USP32: variants seen among roughly 807,000 people sequenced by gnomAD.
USP32 encodes ubiquitin carboxyl-terminal hydrolase 32.
USP32 carries 59 observed loss-of-function variants against 204.8 expected under a neutral mutation model. That is an observed-to-expected ratio of 0.29 (90% CI 0.23 to 0.36). The LOEUF (loss-of-function observed/expected upper bound fraction) is 0.36, where lower values mean the gene tolerates loss of function less well. USP32 is among the 10% of genes least tolerant of loss of function. The pLI is 1.00. For missense variants in USP32, 1,160 were observed against 1,946.4 expected (o/e 0.60, Z 7.60); for synonymous variants, 517 against 678.4 (o/e 0.76, Z 3.70).
At chr17:60,320,789 A>C (rs1257790015) in intron 2 of USP32, among the ~76,000 whole-genome samples, 1 of 152,210 alleles carries the variant, frequency 6.6e-6, no homozygotes, top group South Asian at 2.1e-4. Context: ...AATAAGCAAT[A>C]AAACTAGCAT....
chr17:60,185,887 C>A, intron 29 of USP32: 2 of 421,208 alleles, frequency 4.7e-6, no homozygotes, highest in East Asian at 7.0e-5. Flanking sequence ...AAGAGTGAGA[C>A]CCTGTCTCTG....
chr17:60,179,063 A>G lies in USP32; in HGVS notation c.*192T>C, dbSNP rs1243496501. 9.0e-6 allele frequency: 6 copies of G among 665,740 alleles called. No individual in the cohort carries two copies. The highest frequency in any genetic ancestry group is 2.4e-6 in the Non-Finnish European group (1 of 417,384). 41.2% of individuals were successfully genotyped at this position (665,740 alleles called of 1,614,324 possible). A position where few individuals can be genotyped will look rare whatever the true frequency, so the allele number is the denominator to read the frequency against. ...GAAAGTTCTCTATCGGAGAGCTTGT[A>G]TGAGACTTCAAAATAAAATGATTAC... On this transcript the variant is annotated 3_prime_UTR_variant, in exon 34 of 34. Transcript: ENST00000300896.
chr17:60,392,819 C>CCCGGCCCACCTTCTCCTCCTGA (rs2089864685), upstream of USP32, among the ~76,000 whole-genome samples: 1 of 152,112 alleles, frequency 6.6e-6, no homozygotes, highest in African/African-American at 2.4e-5. Context: ...ATCTCGCCTG[C>CCCGGCCCACCTTCTCCTCCTGA]CCGGCCCACC....
intron 9 of USP32, among the ~76,000 whole-genome samples, chr17:60,255,552 C>A (rs536667317): frequency 3.9e-5 from 6 of 152,258 alleles, no homozygotes; most frequent in African/African-American, 1.4e-4. Context: ...TCCGCCTTGG[C>A]CTCCCAAAGT....
chr17:60,228,959 A>G (rs1254361263), intron 12 of USP32, among the ~76,000 whole-genome samples: 1 of 151,474 alleles, frequency 6.6e-6, no homozygotes, highest in East Asian at 1.9e-4. Context: ...GAGCCACCTC[A>G]CCTGGTTAAA....
chr17:60,192,625 A>T (rs1294150523), intron 28 of USP32, among the ~76,000 whole-genome samples: 2 of 152,028 alleles, frequency 1.3e-5, no homozygotes, highest in Non-Finnish European at 2.9e-5. Flanking sequence ...AGTAGAGACG[A>T]GGTTTTACTA....
chr17:60,237,485 G>A (rs1427639582), intron 11 of USP32, among the ~76,000 whole-genome samples: 1 of 151,846 alleles, frequency 6.6e-6, no homozygotes, highest in Non-Finnish European at 1.5e-5. Flanking sequence ...CAATTCAATG[G>A]CATTTAGTAC....
chr17:60,411,158 G>T (rs2090015277), intron 1 of USP32, among the ~76,000 whole-genome samples: 1 of 151,974 alleles, frequency 6.6e-6, no homozygotes. Flanking sequence ...GAGAAACCCT[G>T]TCTCTGCTAA....
intron 2 of USP32, among the ~76,000 whole-genome samples, chr17:60,305,870 G>C (rs1363735501): frequency 6.6e-6 from 1 of 152,074 alleles, no homozygotes; most frequent in Non-Finnish European, 1.5e-5. Flanking sequence ...AAATTTGTTT[G>C]GAATATACTG....
intron 14 of USP32, 52 bp downstream of exon 14, chr17:60,223,355 AATTT>A: frequency 6.6e-7 from 1 of 1,505,958 alleles, no homozygotes; most frequent in Non-Finnish European, 9.1e-7. Context: ...TCTGAAATGA[AATTT>A]ATTAATAGCT....
intron 31 of USP32, among the ~76,000 whole-genome samples, chr17:60,182,862 G>C (rs1034460076): frequency 3.9e-4 from 59 of 152,274 alleles, no homozygotes; most frequent in African/African-American, 1.4e-3. Flanking sequence ...TTGCTATAAG[G>C]GGACAAGACA....
intron 16 of USP32, among the ~76,000 whole-genome samples, chr17:60,215,503 C>T (rs922450563): frequency 6.6e-6 from 1 of 150,540 alleles, no homozygotes; most frequent in Non-Finnish European, 1.5e-5. Flanking sequence ...AAAAAAAACT[C>T]AGTGGAGGAG....
intron 2 of USP32, among the ~76,000 whole-genome samples, chr17:60,308,514 T>C (rs1387426314): frequency 6.6e-6 from 1 of 152,194 alleles, no homozygotes; most frequent in Non-Finnish European, 1.5e-5. Context: ...AGAACCCAGA[T>C]ATAAATCCAA....
chr17:60,198,154 G>C, intron 27 of USP32, 106 bp downstream of exon 27: 1 of 1,429,772 alleles, frequency 7.0e-7, no homozygotes, highest in Non-Finnish European at 9.5e-7. Context: ...TCTTCCAAGA[G>C]TGATTAACTT....
At chr17:60,237,548 A>T (rs8068938) in intron 11 of USP32, among the ~76,000 whole-genome samples, 6,758 of 152,184 alleles carry the variant, frequency 0.044, 538 homozygotes, top group African/African-American at 0.15. Context: ...ATTCTGATAC[A>T]CCTCAATTAA....
Position 60,391,840 on chromosome 17 carries a change from G to T in USP32, c.58+42C>A, listed in dbSNP as rs1179454720. 6 of 1,563,634 alleles carry T rather than the reference G, an allele frequency of 3.8e-6. No homozygotes were observed. In the East Asian group the frequency reaches 1.2e-4, roughly 31 times the overall value. On this transcript the variant is annotated intron_variant, in intron 1 of 33. Coordinates refer to ENST00000300896, the MANE Select transcript of USP32 (RefSeq NM_032582.4). ...TTACCCACCCTCCAGGCTGCCCGTCGCGGGCCTCCCAGGCAGCTCGCCCAG... is the reference window on the plus strand; with the variant it reads ...TTACCCACCCTCCAGGCTGCCCGTCTCGGGCCTCCCAGGCAGCTCGCCCAG...
intron 2 of USP32, among the ~76,000 whole-genome samples, 153 bp downstream of exon 2, chr17:60,345,328 G>A (rs754663903): frequency 1.3e-5 from 2 of 152,094 alleles, no homozygotes; most frequent in African/African-American, 4.8e-5. Flanking sequence ...ACACAGCCAC[G>A]TTGACATCTA....
intron 5 of USP32, 76 bp from the exon 6 acceptor site, chr17:60,271,557 T>A: frequency 7.1e-7 from 1 of 1,409,488 alleles, no homozygotes; most frequent in South Asian, 1.5e-5. Flanking sequence ...TGATAATATA[T>A]CTTCCACAGA....
At position 60,304,193 on chromosome 17, in the gene USP32, A is replaced by T. The variant is rs974732101; in HGVS notation, c.187-2489T>A. The stretch of plus-strand genomic sequence containing the variant: ...GCCAGAAGAAAAACAAAATTACATT[A>T]AAAAAAACCCAAAAATTATAGCTGG... On this transcript the variant is annotated intron_variant, in intron 2 of 33. Coordinates refer to ENST00000300896, the MANE Select transcript of USP32 (RefSeq NM_032582.4). Among the ~76,000 whole-genome samples the T allele has an allele frequency of 2.5e-4, 38 of 151,554 alleles. 1 individual carries two copies. The highest frequency in any genetic ancestry group is 4.2e-4 in the South Asian group (2 of 4,816).
Sources: gnomAD v4.1 joint callset for allele counts (sites outside exome capture counted in the v4.1 genomes callset) on GRCh38, gnomAD v4.1.1 for gene constraint, MANE v1.5 for transcripts, NCBI Gene and HGNC (gene_info 2026-07-23, HGNC 2026-07-21) for gene names.